IQCJ: variants seen among roughly 807,000 people sequenced by gnomAD.
The protein encoded by IQCJ is IQ motif containing J.
Under a neutral mutation model 11.0 loss-of-function variants are expected in IQCJ, and 9 were observed. That is an observed-to-expected ratio of 0.82 (90% CI 0.49 to 1.43). The LOEUF (loss-of-function observed/expected upper bound fraction) is 1.43. IQCJ is among the 40% of genes most tolerant of loss of function. The pLI is 0.00. For missense variants in IQCJ, 146 were observed against 133.2 expected (o/e 1.10, Z -0.47); for synonymous variants, 55 against 51.3 (o/e 1.07, Z -0.31).
At chr3:159,080,428 C>T (rs987684371) in intron 1 of IQCJ, among the ~76,000 whole-genome samples, 2 of 152,108 alleles carry the variant, frequency 1.3e-5, no homozygotes, top group African/African-American at 4.8e-5. Flanking sequence ...CTCCACCACA[C>T]TAGGCTTCAC....
At chr3:159,077,986 G>A (rs537736670) in intron 1 of IQCJ, among the ~76,000 whole-genome samples, 4 of 152,014 alleles carry the variant, frequency 2.6e-5, no homozygotes, top group Non-Finnish European at 5.9e-5. Context: ...ATCAACTCAC[G>A]GCCAAAGCTC....
At chr3:159,228,887 T>C (rs1344174328) in intron 1 of IQCJ, among the ~76,000 whole-genome samples, 2 of 152,226 alleles carry the variant, frequency 1.3e-5, no homozygotes, top group Non-Finnish European at 2.9e-5. Flanking sequence ...AAAATTAATA[T>C]GTGGTTTAGA....
At chr3:159,178,166 T>A (rs770242162) in intron 1 of IQCJ, among the ~76,000 whole-genome samples, 3 of 152,212 alleles carry the variant, frequency 2.0e-5, no homozygotes, top group Non-Finnish European at 2.9e-5. Flanking sequence ...TTTCTATGCT[T>A]TCTCATATCT....
Position 159,106,789 on chromosome 3 carries a change from A to G in IQCJ, c.9+37348A>G, listed in dbSNP as rs115320383. On this transcript the variant is annotated intron_variant, in intron 1 of 3. Transcript: ENST00000397832. ...TTTAGGCCACCCATATTTCTGACTGACCAGCTATGAATTGGGGTTCCCGTG... is the reference window on the plus strand; with the variant it reads ...TTTAGGCCACCCATATTTCTGACTGGCCAGCTATGAATTGGGGTTCCCGTG... Among the ~76,000 whole-genome samples the G allele has an allele frequency of 1.0e-2, 1,521 of 152,266 alleles. 29 individuals are homozygous for G. The highest frequency in any genetic ancestry group is 0.034 in the African/African-American group (1,432 of 41,550).
At chr3:159,166,949 T>C (rs1035679480) in intron 1 of IQCJ, among the ~76,000 whole-genome samples, 15 of 152,182 alleles carry the variant, frequency 9.9e-5, no homozygotes, top group African/African-American at 3.6e-4. Context: ...ACTAGGGATA[T>C]TGGAAACTTA....
chr3:159,193,675 A>T (rs1248985059), intron 1 of IQCJ, among the ~76,000 whole-genome samples: 2 of 152,238 alleles, frequency 1.3e-5, no homozygotes, highest in Non-Finnish European at 1.5e-5. Flanking sequence ...TGTTAATTCC[A>T]GTCAAAATTA....
At position 159,152,897 on chromosome 3, in the gene IQCJ, AT is replaced by A. The variant is rs576464140; in HGVS notation, c.9+83457del. Among the ~76,000 whole-genome samples the A allele has an allele frequency of 4.6e-5, 7 of 152,308 alleles. No homozygotes were observed. In the South Asian group the frequency reaches 1.5e-3, roughly 32 times the overall value. On this transcript the variant is annotated intron_variant, in intron 1 of 3. Transcript: ENST00000397832. ...AGCAAAGAATCTGCAAAAAGATGAG[AT>A]AAGGTAGTACGCCATAAGTGACCCA...
intron 1 of IQCJ, among the ~76,000 whole-genome samples, chr3:159,170,924 T>A (rs1722452868): frequency 6.6e-6 from 1 of 152,234 alleles, no homozygotes; most frequent in Non-Finnish European, 1.5e-5. Context: ...CAATATTTTC[T>A]TTAGTCATTC....
intron 1 of IQCJ, among the ~76,000 whole-genome samples, chr3:159,094,452 A>G (rs770221836): frequency 3.2e-4 from 18 of 56,542 alleles, no homozygotes; most frequent in Non-Finnish European, 4.6e-4. Flanking sequence ...TTTTTTTACT[A>G]TTGGAAGTTT....
At chr3:159,088,608 T>C (rs1405742907) in intron 1 of IQCJ, among the ~76,000 whole-genome samples, 1 of 152,218 alleles carries the variant, frequency 6.6e-6, no homozygotes, top group Non-Finnish European at 1.5e-5. Context: ...TGCTCCTGTA[T>C]TGGGTGCATA....
chr3:159,165,416 G>C (rs1722108323), intron 1 of IQCJ, among the ~76,000 whole-genome samples: 1 of 152,178 alleles, frequency 6.6e-6, no homozygotes, highest in South Asian at 2.1e-4. Context: ...CTATGTGCCA[G>C]AGAAAGACAG....
chr3:159,264,732 C>A (rs370008980), downstream of IQCJ, among the ~76,000 whole-genome samples: 1 of 151,884 alleles, frequency 6.6e-6, no homozygotes, highest in Non-Finnish European at 1.5e-5. Context: ...GCTAACATAG[C>A]GAAACCCTGT....
At chr3:159,228,410 T>G (rs1254922792) in intron 1 of IQCJ, among the ~76,000 whole-genome samples, 1 of 152,220 alleles carries the variant, frequency 6.6e-6, no homozygotes, top group Non-Finnish European at 1.5e-5. Context: ...ATCACTAAGA[T>G]TATGAAATGT....
intron 1 of IQCJ, among the ~76,000 whole-genome samples, chr3:159,166,289 C>T (rs1467825376): frequency 6.6e-6 from 1 of 152,174 alleles, no homozygotes; most frequent in African/African-American, 2.4e-5. Context: ...TTGTAACTTT[C>T]ATCAACAATG....
At position 159,138,067 on chromosome 3, in the gene IQCJ, A is replaced by T. The variant is rs1720398751; in HGVS notation, c.9+68626A>T. 2.0e-5 allele frequency among the ~76,000 whole-genome samples: 3 copies of T among 152,190 alleles called. No homozygotes were observed. The South Asian group carries it at 6.2e-4, about 32-fold the overall frequency. On this transcript the variant is annotated intron_variant, in intron 1 of 3. Transcript: ENST00000397832. ...ACATTTCTTGGAAGTAAATGTAACT[A>T]GGTTTACTTGGCTTCAGTTTACACA...
At chr3:159,214,050 A>G (rs1240775214) in intron 1 of IQCJ, among the ~76,000 whole-genome samples, 1 of 152,070 alleles carries the variant, frequency 6.6e-6, no homozygotes, top group African/African-American at 2.4e-5. Context: ...ATTCATTCCT[A>G]TTACTTCCTG....
chr3:159,085,491 A>G lies in IQCJ; in HGVS notation c.9+16050A>G, dbSNP rs565571184. Among the ~76,000 whole-genome samples the G allele has an allele frequency of 3.2e-4, 48 of 151,442 alleles. No individual in the cohort carries two copies. The East Asian group carries it at 8.9e-3, about 28-fold the overall frequency. On this transcript the variant is annotated intron_variant, in intron 1 of 3. Coordinates refer to ENST00000397832, the MANE Select transcript of IQCJ (RefSeq NM_001042706.3). ...AGTTCTAGATCCCTGAGGAATCGCC[A>G]CACTGACTTCCACAATGGTTGAACT...
chr3:159,240,055 T>G (rs1035666426), intron 1 of IQCJ, among the ~76,000 whole-genome samples: 1 of 151,726 alleles, frequency 6.6e-6, no homozygotes, highest in African/African-American at 2.4e-5. Flanking sequence ...TCATTGGAGG[T>G]GGGGTGTGAT....
At chr3:159,134,248 G>C (rs779037178) in intron 1 of IQCJ, among the ~76,000 whole-genome samples, 24 of 152,066 alleles carry the variant, frequency 1.6e-4, no homozygotes, top group Non-Finnish European at 2.2e-4. Context: ...CTGATAGCAA[G>C]ATGGAGTCTA....
Sources: gnomAD v4.1 joint callset for allele counts (sites outside exome capture counted in the v4.1 genomes callset) on GRCh38, gnomAD v4.1.1 for gene constraint, MANE v1.5 for transcripts, NCBI Gene and HGNC (gene_info 2026-07-23, HGNC 2026-07-21) for gene names.